MSRA: variants seen among roughly 807,000 people sequenced by gnomAD.
MSRA encodes methionine sulfoxide reductase A.
Under a neutral mutation model 31.3 loss-of-function variants are expected in MSRA, and 54 were observed. The observed-to-expected ratio is 1.73, with a 90% CI of 1.39 to 2.17. MSRA has a LOEUF of 2.17. Ranked by LOEUF, MSRA falls within the 30% of genes most tolerant of loss-of-function variation. The pLI is 0.00. For synonymous variants in MSRA, 169 were observed against 116.5 expected, an observed-to-expected ratio of 1.45 and a Z score of -2.90; for missense variants, 507 against 300.9, an observed-to-expected ratio of 1.69 and a Z score of -5.07.
chr8:10,385,019 A>G (rs1347591232), intron 5 of MSRA, among the ~76,000 whole-genome samples: 3 of 152,196 alleles, frequency 2.0e-5, no homozygotes, highest in African/African-American at 7.2e-5. Context: ...AAAAGGAAAA[A>G]TAAAATGATT....
intron 5 of MSRA, among the ~76,000 whole-genome samples, chr8:10,400,361 C>CTGTG (rs778722885): frequency 0.42 from 62,181 of 147,890 alleles, 15,466 homozygotes; most frequent in Non-Finnish European, 0.57. Flanking sequence ...TATTCAGGCT[C>CTGTG]TGTGTGTGTG....
At chr8:10,143,589 T>C (rs1306559030) in intron 1 of MSRA, among the ~76,000 whole-genome samples, 1 of 152,168 alleles carries the variant, frequency 6.6e-6, no homozygotes. Context: ...CCCGGGTCGC[T>C]CCCTGTCATT....
chr8:10,343,872 G>A (rs1297476175), intron 5 of MSRA, among the ~76,000 whole-genome samples: 3 of 152,080 alleles, frequency 2.0e-5, no homozygotes, highest in Non-Finnish European at 2.9e-5. Flanking sequence ...TCAGCACTCC[G>A]TATGCTACCT....
At chr8:10,304,556 C>G (rs1256031583) in intron 4 of MSRA, among the ~76,000 whole-genome samples, 1 of 152,170 alleles carries the variant, frequency 6.6e-6, no homozygotes, top group Non-Finnish European at 1.5e-5. Flanking sequence ...TGACACATGT[C>G]AAGTGTCATT....
intron 5 of MSRA, chr8:10,353,624 G>T (rs778927566): frequency 2.0e-5 from 9 of 456,158 alleles, no homozygotes; most frequent in South Asian, 1.4e-4. Context: ...AGGTACCCAA[G>T]CATGTTCACT....
chr8:10,343,425 G>T (rs1443102718), intron 5 of MSRA, among the ~76,000 whole-genome samples: 1 of 152,180 alleles, frequency 6.6e-6, no homozygotes, highest in Non-Finnish European at 1.5e-5. Context: ...TATTGCAGTT[G>T]AATAACCTGC....
intron 3 of MSRA, chr8:10,250,572 G>C: frequency 1.5e-6 from 1 of 675,884 alleles, no homozygotes; most frequent in Non-Finnish European, 2.7e-6. Flanking sequence ...CTGAGGCCCA[G>C]ACATTTCCTT....
chr8:10,098,255 A>T (rs1480192095), intron 1 of MSRA, among the ~76,000 whole-genome samples: 1 of 152,148 alleles, frequency 6.6e-6, no homozygotes, highest in Non-Finnish European at 1.5e-5. Context: ...CCTCATAATT[A>T]TGGTCGTTTG....
chr8:10,060,594 CT>C (rs1802658277), intron 1 of MSRA, among the ~76,000 whole-genome samples: 1 of 149,786 alleles, frequency 6.7e-6, no homozygotes, highest in African/African-American at 2.4e-5. Context: ...TGTTTTTAGT[CT>C]AATTGACCAC....
Position 10,245,226 on chromosome 8 carries a change from A to C in MSRA, c.331+3A>C. ...TACTTATAAAGAAGTCTGCTCAGGTAGGAAGAATTTGCTTTATTGTATTAC... is the reference window on the plus strand; with the variant it reads ...TACTTATAAAGAAGTCTGCTCAGGTCGGAAGAATTTGCTTTATTGTATTAC... On this transcript the variant is annotated splice_donor_region_variant and intron_variant, in intron 3 of 5. Transcript: ENST00000317173. 6.2e-7 allele frequency: 1 copy of C among 1,612,702 alleles called. No homozygotes were observed. Among genetic ancestry groups the C allele is most frequent in the Non-Finnish European group, 8.5e-7 (1 of 1,179,368 alleles).
At chr8:10,159,818 A>C (rs896885375) in intron 1 of MSRA, among the ~76,000 whole-genome samples, 1 of 152,168 alleles carries the variant, frequency 6.6e-6, no homozygotes. Context: ...ATAGAAAACA[A>C]TCTCTAAATA....
At chr8:10,305,557 G>A (rs929719628) in intron 4 of MSRA, among the ~76,000 whole-genome samples, 1 of 152,050 alleles carries the variant, frequency 6.6e-6, no homozygotes, top group African/African-American at 2.4e-5. Flanking sequence ...TGGATTACAG[G>A]CATCCGCCAC....
At chr8:10,217,370 G>A (rs1810084876) in intron 2 of MSRA, among the ~76,000 whole-genome samples, 1 of 152,230 alleles carries the variant, frequency 6.6e-6, no homozygotes, top group African/African-American at 2.4e-5. Flanking sequence ...TTTGGTCCTT[G>A]CATCTCTGCA....
chr8:10,357,752 G>T (rs1322566608), intron 5 of MSRA, among the ~76,000 whole-genome samples: 1 of 152,166 alleles, frequency 6.6e-6, no homozygotes, highest in Non-Finnish European at 1.5e-5. Context: ...ATTATTTCTA[G>T]TTTTTTCAGT....
intron 2 of MSRA, among the ~76,000 whole-genome samples, chr8:10,230,713 C>T (rs920321855): frequency 5.3e-5 from 8 of 152,152 alleles, no homozygotes; most frequent in African/African-American, 1.7e-4. Flanking sequence ...TAAAAATCAC[C>T]TGTAATCTTA....
At chr8:10,184,300 C>T (rs1396535986) in intron 1 of MSRA, among the ~76,000 whole-genome samples, 1 of 151,826 alleles carries the variant, frequency 6.6e-6, no homozygotes, top group African/African-American at 2.4e-5. Flanking sequence ...CAGCCAGCCT[C>T]TTAAATAATC....
chr8:10,070,385 C>A (rs1285725623), intron 1 of MSRA, among the ~76,000 whole-genome samples: 1 of 152,174 alleles, frequency 6.6e-6, no homozygotes, highest in Non-Finnish European at 1.5e-5. Context: ...CAAATAATAG[C>A]CCACAGGCCA....
intron 3 of MSRA, among the ~76,000 whole-genome samples, chr8:10,275,961 A>T (rs1799298191): frequency 6.6e-6 from 1 of 152,194 alleles, no homozygotes; most frequent in African/African-American, 2.4e-5. Context: ...GTGAAATCGC[A>T]CTGCTAAAAA....
chr8:10,151,722 C>T (rs1455290112), intron 1 of MSRA, among the ~76,000 whole-genome samples: 2 of 152,142 alleles, frequency 1.3e-5, no homozygotes, highest in Non-Finnish European at 2.9e-5. Context: ...GGTCAAGGCA[C>T]AAGTCTGGCT....
Sources: allele counts gnomAD v4.1 joint callset (sites outside exome capture counted in the v4.1 genomes callset), GRCh38; gene constraint gnomAD v4.1.1; transcripts MANE v1.5; gene names NCBI Gene and HGNC (gene_info 2026-07-23, HGNC 2026-07-21).